NRG3: variants seen among roughly 807,000 people sequenced by gnomAD.
NRG3 encodes the protein neuregulin 3.
In NRG3, 31 loss-of-function variants were observed where a neutral mutation model predicts 66.9. That is an observed-to-expected ratio of 0.46 (90% CI 0.35 to 0.63). NRG3 has a LOEUF of 0.63. Ranked by LOEUF, NRG3 falls within the 20% of genes least tolerant of loss-of-function variation. The probability of loss-of-function intolerance (pLI) is 0.00; values close to 1 mark genes in which losing one functional copy is unlikely to be tolerated. For synonymous variants in NRG3, 393 were observed against 359.4 expected (o/e 1.09, Z -1.06); for missense variants, 910 against 878.9 (o/e 1.04, Z -0.45).
chr10:82,027,331 G>T (rs2062359014), intron 1 of NRG3, among the ~76,000 whole-genome samples: 1 of 152,082 alleles, frequency 6.6e-6, no homozygotes, highest in Non-Finnish European at 1.5e-5. Context: ...CCTTTTGGTG[G>T]TAAGTGAAGC....
Position 82,368,385 on chromosome 10 carries a change from C to A in NRG3, c.953+9517C>A, listed in dbSNP as rs137887295. On this transcript the variant is annotated intron_variant, in intron 2 of 8. Coordinates refer to ENST00000372141, the MANE Select transcript of NRG3 (RefSeq NM_001010848.4). ...ATTTAAAAACACAATAATACCAGAT[C>A]GTGCACAAGAACACATTTTAGAATC... is the stretch of plus-strand genomic sequence containing the variant. Among the ~76,000 whole-genome samples, 273 of 138,676 alleles carry A rather than the reference C, an allele frequency of 2.0e-3. 18 individuals are homozygous for A. The highest frequency in any genetic ancestry group is 3.2e-3 in the Non-Finnish European group (213 of 67,528). The allele number at this position is 138,676 out of a possible 152,430, so 91.0% of individuals were successfully genotyped here.
chr10:82,744,881 A>C (rs772576877), intron 3 of NRG3, among the ~76,000 whole-genome samples: 9 of 152,190 alleles, frequency 5.9e-5, no homozygotes, highest in Non-Finnish European at 1.0e-4. Context: ...TGAGAGCTCA[A>C]TAAATATTAT....
intron 1 of NRG3, among the ~76,000 whole-genome samples, chr10:82,139,516 C>T (rs1198149252): frequency 6.6e-6 from 1 of 152,128 alleles, no homozygotes; most frequent in Non-Finnish European, 1.5e-5. Flanking sequence ...TGACTAGATA[C>T]AAGTAGCCCG....
chr10:82,628,750 C>T (rs1037047698), intron 2 of NRG3, among the ~76,000 whole-genome samples: 1 of 152,166 alleles, frequency 6.6e-6, no homozygotes, highest in Non-Finnish European at 1.5e-5. Flanking sequence ...GGAACAGTTA[C>T]GGAAGTAGGA....
At chr10:82,832,752 G>C (rs2062589787) in intron 3 of NRG3, among the ~76,000 whole-genome samples, 1 of 152,028 alleles carries the variant, frequency 6.6e-6, no homozygotes, top group African/African-American at 2.4e-5. Flanking sequence ...GTGAAAAAGT[G>C]CTTAAGACAT....
chr10:81,970,328 C>G (rs1295333183), intron 1 of NRG3, among the ~76,000 whole-genome samples: 2 of 152,156 alleles, frequency 1.3e-5, no homozygotes, highest in Non-Finnish European at 2.9e-5. Flanking sequence ...CTAATTATCC[C>G]TCTAGATATA....
intron 1 of NRG3, among the ~76,000 whole-genome samples, chr10:82,353,902 C>T (rs1032150400): frequency 6.6e-6 from 1 of 152,002 alleles, no homozygotes; most frequent in East Asian, 1.9e-4. Context: ...ATTTTTCCCT[C>T]CTTTAATGAA....
Position 82,615,382 on chromosome 10 carries a change from T to C in NRG3, c.954-123195T>C, listed in dbSNP as rs116012885. On this transcript the variant is annotated intron_variant, in intron 2 of 8. Coordinates refer to ENST00000372141, the MANE Select transcript of NRG3 (RefSeq NM_001010848.4). Reference sequence around the variant, plus strand: ...TATATTCATTATAATTGAATTATTGTATCTATTTTTTCATTGTTAATGGTA... The same window carrying C: ...TATATTCATTATAATTGAATTATTGCATCTATTTTTTCATTGTTAATGGTA... 1.9e-3 allele frequency among the ~76,000 whole-genome samples: 289 copies of C among 152,306 alleles called. 1 individual carries two copies. The highest frequency in any genetic ancestry group is 6.4e-3 in the African/African-American group (268 of 41,578).
At chr10:82,731,650 A>G (rs2057913041) in intron 2 of NRG3, among the ~76,000 whole-genome samples, 1 of 152,180 alleles carries the variant, frequency 6.6e-6, no homozygotes, top group Non-Finnish European at 1.5e-5. Flanking sequence ...TGTAGATACC[A>G]TATTTTATTT....
chr10:82,342,190 A>G (rs1306466003), intron 1 of NRG3, among the ~76,000 whole-genome samples: 4 of 151,954 alleles, frequency 2.6e-5, no homozygotes, highest in African/African-American at 9.7e-5. Flanking sequence ...AGGTGATTCT[A>G]TATCTTTGCT....
chr10:82,708,164 T>C (rs1268709286), intron 2 of NRG3, among the ~76,000 whole-genome samples: 1 of 152,226 alleles, frequency 6.6e-6, no homozygotes, highest in Non-Finnish European at 1.5e-5. Context: ...TCTGCTATTT[T>C]TTCCGTTTAT....
At chr10:82,221,373 A>G (rs2075936625) in intron 1 of NRG3, among the ~76,000 whole-genome samples, 1 of 152,020 alleles carries the variant, frequency 6.6e-6, no homozygotes, top group African/African-American at 2.4e-5. Context: ...ATGTTTCAAC[A>G]TTTTTCAGAT....
At chr10:82,562,365 C>A (rs538156590) in intron 2 of NRG3, among the ~76,000 whole-genome samples, 1 of 152,244 alleles carries the variant, frequency 6.6e-6, no homozygotes, top group South Asian at 2.1e-4. Context: ...AGCTGCCAAC[C>A]AATACAGACT....
At chr10:82,045,144 T>A (rs950738759) in intron 1 of NRG3, among the ~76,000 whole-genome samples, 12 of 123,988 alleles carry the variant, frequency 9.7e-5, no homozygotes, top group Non-Finnish European at 1.9e-4. Context: ...ATCGCCACAC[T>A]GACTTCCACA....
intron 2 of NRG3, among the ~76,000 whole-genome samples, chr10:82,491,595 G>A (rs1843152396): frequency 6.6e-6 from 1 of 151,908 alleles, no homozygotes; most frequent in Admixed American, 6.6e-5. Flanking sequence ...AAGTATCTGA[G>A]GGTACATTTT....
At chr10:82,976,409 G>A (rs551815596) in intron 7 of NRG3, among the ~76,000 whole-genome samples, 6 of 152,140 alleles carry the variant, frequency 3.9e-5, no homozygotes, top group Admixed American at 6.5e-5. Flanking sequence ...ATAATTCCAG[G>A]GTTTTCAGTG....
At position 82,371,194 on chromosome 10, in the gene NRG3, G is replaced by A. The variant is rs535127654; in HGVS notation, c.953+12326G>A. Among the ~76,000 whole-genome samples, 11 of 152,200 alleles carry A rather than the reference G, an allele frequency of 7.2e-5. No individual in the cohort carries two copies. In the East Asian group the frequency reaches 7.8e-4, roughly 11 times the overall value. On this transcript the variant is annotated intron_variant, in intron 2 of 8. Coordinates refer to ENST00000372141, the MANE Select transcript of NRG3 (RefSeq NM_001010848.4). ...CTCATATTTGGGATTATAGGGAAAC[G>A]CATTCTAGGCTGGTAAACTGAGGGA...
intron 3 of NRG3, among the ~76,000 whole-genome samples, chr10:82,776,764 G>A (rs1246814632): frequency 2.6e-5 from 4 of 151,568 alleles, no homozygotes; most frequent in Non-Finnish European, 4.4e-5. Flanking sequence ...GCGTATTTCT[G>A]TTTGGTCCTT....
intron 2 of NRG3, among the ~76,000 whole-genome samples, chr10:82,432,177 A>T (rs569204972): frequency 4.6e-5 from 7 of 152,340 alleles, no homozygotes; most frequent in African/African-American, 1.7e-4. Flanking sequence ...GCATATGTGC[A>T]GATATTACAC....
Sources: allele counts gnomAD v4.1 joint callset (sites outside exome capture counted in the v4.1 genomes callset), GRCh38; gene constraint gnomAD v4.1.1; transcripts MANE v1.5; gene names NCBI Gene and HGNC (gene_info 2026-07-23, HGNC 2026-07-21).